The following NME7 variants were observed in gnomAD, a reference collection of about 807,000 sequenced individuals.
NME7 encodes the protein NME/NM23 family member 7.
NME7 carries 41 observed loss-of-function variants against 49.1 expected under a neutral mutation model. The ratio of observed to expected loss-of-function variants is 0.83; its 90% CI spans 0.65 to 1.08. NME7 has a LOEUF of 1.08. NME7 is among the 50% of genes least tolerant of loss of function. The probability of loss-of-function intolerance (pLI) is 0.00; values close to 1 mark genes in which losing one functional copy is unlikely to be tolerated. For missense variants in NME7, 423 were observed against 463.4 expected, an observed-to-expected ratio of 0.91 and a Z score of 0.80; for synonymous variants, 139 against 150.6, an observed-to-expected ratio of 0.92 and a Z score of 0.56.
intron 10 of NME7, among the ~76,000 whole-genome samples, chr1:169,172,114 T>A (rs958111579): frequency 6.6e-6 from 1 of 152,042 alleles, no homozygotes; most frequent in African/African-American, 2.4e-5. Flanking sequence ...TAAGGCCCCA[T>A]GCCCTTCCTC....
chr1:169,193,813 A>G (rs577598760), intron 10 of NME7, among the ~76,000 whole-genome samples: 4 of 152,274 alleles, frequency 2.6e-5, no homozygotes, highest in African/African-American at 9.6e-5. Context: ...CAACGAACAT[A>G]TTTATTCTAA....
intron 7 of NME7, among the ~76,000 whole-genome samples, chr1:169,239,327 G>A (rs899153028): frequency 1.3e-5 from 2 of 151,942 alleles, no homozygotes; most frequent in Non-Finnish European, 2.9e-5. Flanking sequence ...AGAGAAAGGA[G>A]GTAGTGAATA....
chr1:169,263,769 T>C lies in NME7; in HGVS notation c.754+23534A>G, dbSNP rs182921199. ...AATGTGGAGAACCACCACAAGATAC[T>C]TCAAGATCACCCCCAAGACACATAA... On this transcript the variant is annotated intron_variant, in intron 7 of 11. Coordinates refer to ENST00000367811, the MANE Select transcript of NME7 (RefSeq NM_013330.5). Among the ~76,000 whole-genome samples the C allele has an allele frequency of 7.3e-4, 95 of 131,004 alleles. 10 individuals are homozygous for C. The highest frequency in any genetic ancestry group is 2.4e-3 in the African/African-American group (94 of 39,102). The allele number at this position is 131,004 out of a possible 152,430, so 85.9% of individuals were successfully genotyped here. A position where few individuals can be genotyped will look rare whatever the true frequency, so the allele number is the denominator to read the frequency against.
intron 10 of NME7, among the ~76,000 whole-genome samples, chr1:169,177,963 A>C (rs1346415729): frequency 6.6e-6 from 1 of 151,852 alleles, no homozygotes; most frequent in Non-Finnish European, 1.5e-5. Flanking sequence ...CAGCCTCCTG[A>C]GCAGCTAGGA....
chr1:169,303,749 G>A (rs1481080178), intron 4 of NME7, among the ~76,000 whole-genome samples: 11 of 152,066 alleles, frequency 7.2e-5, no homozygotes, highest in African/African-American at 2.2e-4. Context: ...ACCGCACCTG[G>A]CCTTATCCAT....
intron 10 of NME7, among the ~76,000 whole-genome samples, chr1:169,197,795 T>G (rs1213641426): frequency 2.6e-5 from 4 of 152,096 alleles, no homozygotes; most frequent in African/African-American, 9.7e-5. Context: ...TTTATGATGC[T>G]GGCTTTGACA....
chr1:169,183,123 T>C (rs1571271691), intron 10 of NME7, among the ~76,000 whole-genome samples: 1 of 152,368 alleles, frequency 6.6e-6, no homozygotes, highest in African/African-American at 2.4e-5. Context: ...TCATCACAGA[T>C]ATAAAATGCC....
chr1:169,145,786 G>A (rs1397724935), intron 11 of NME7, among the ~76,000 whole-genome samples: 1 of 152,138 alleles, frequency 6.6e-6, no homozygotes, highest in East Asian at 1.9e-4. Context: ...GAGGAAAATC[G>A]AATTGTTATA....
At chr1:169,256,652 G>T (rs886407986) in intron 7 of NME7, among the ~76,000 whole-genome samples, 5 of 122,962 alleles carry the variant, frequency 4.1e-5, no homozygotes, top group Admixed American at 4.0e-4. Flanking sequence ...GCTTTTTAGA[G>T]TTTCCAGTTT....
intron 1 of NME7, among the ~76,000 whole-genome samples, chr1:169,349,563 A>C (rs1653076368): frequency 6.6e-6 from 1 of 152,202 alleles, no homozygotes; most frequent in Non-Finnish European, 1.5e-5. Context: ...TAAAAACAAT[A>C]ATTTAAAAAA....
At chr1:169,340,059 C>T (rs1328359197) in intron 1 of NME7, among the ~76,000 whole-genome samples, 3 of 152,150 alleles carry the variant, frequency 2.0e-5, no homozygotes, top group African/African-American at 7.2e-5. Flanking sequence ...TCTTACTCTG[C>T]CCATACCTTT....
At chr1:169,240,689 T>C (rs559569047) in intron 7 of NME7, among the ~76,000 whole-genome samples, 2 of 151,886 alleles carry the variant, frequency 1.3e-5, no homozygotes, top group East Asian at 1.9e-4. Context: ...CACTGAGTTA[T>C]GCAGATTTTC....
intron 6 of NME7, among the ~76,000 whole-genome samples, chr1:169,298,353 C>T (rs12031371): frequency 0.083 from 12,587 of 152,146 alleles, 704 homozygotes; most frequent in Admixed American, 0.19. Context: ...AGAAAACTTA[C>T]GTTGATCATG....
intron 10 of NME7, among the ~76,000 whole-genome samples, chr1:169,195,838 A>G (rs546232256): frequency 6.6e-6 from 1 of 152,338 alleles, no homozygotes; most frequent in Non-Finnish European, 1.5e-5. Flanking sequence ...AAGAGCTTGC[A>G]TGCTAGTGAA....
In NME7 at chr1:169,236,918, C is replaced by T. The variant is rs567975610; in HGVS notation, c.819+705G>A. Among the ~76,000 whole-genome samples, 80 of 152,068 alleles carry T rather than the reference C, an allele frequency of 5.3e-4. 1 individual carries two copies. The South Asian group carries it at 0.016, about 30-fold the overall frequency. ...TCACTATCAAAAAAGCACAAACTTG[C>T]TGGGCTTCAAACACTGTAAAAACCA... On this transcript the variant is annotated intron_variant, in intron 8 of 11. Coordinates refer to ENST00000367811, the MANE Select transcript of NME7 (RefSeq NM_013330.5).
intron 10 of NME7, among the ~76,000 whole-genome samples, chr1:169,229,533 G>C (rs897710814): frequency 1.3e-5 from 2 of 152,192 alleles, no homozygotes; most frequent in African/African-American, 4.8e-5. Context: ...TGTTCTAAAA[G>C]ATCTTTATGT....
intron 11 of NME7, among the ~76,000 whole-genome samples, chr1:169,153,326 G>A (rs917498971): frequency 6.6e-6 from 1 of 152,108 alleles, no homozygotes; most frequent in East Asian, 1.9e-4. Flanking sequence ...CCATCAGAAA[G>A]CTTTCCAAAG....
At chr1:169,351,365 A>G (rs1352728661) in intron 1 of NME7, among the ~76,000 whole-genome samples, 2 of 152,066 alleles carry the variant, frequency 1.3e-5, no homozygotes, top group Non-Finnish European at 2.9e-5. Flanking sequence ...GATACAAACG[A>G]TAAAGGAAAC....
chr1:169,324,519 GA>G lies in NME7; in HGVS notation c.4-20del. On this transcript the variant is annotated intron_variant, in intron 1 of 11. Coordinates refer to ENST00000367811, the MANE Select transcript of NME7 (RefSeq NM_013330.5). ...TATGATTCTGCAAAGAAAGACAGAA[GA>G]ATTTTAACACTAACATATAAAGAAC... The G allele has an allele frequency of 7.0e-7, 1 of 1,436,576 alleles. No homozygotes were observed. Among genetic ancestry groups the G allele is most frequent in the South Asian group, 1.2e-5 (1 of 86,896 alleles). The allele number at this position is 1,436,576 out of a possible 1,614,324, so 89.0% of individuals were successfully genotyped here. A position where few individuals can be genotyped will look rare whatever the true frequency, so the allele number is the denominator to read the frequency against.
Sources: gnomAD v4.1 joint callset for allele counts (sites outside exome capture counted in the v4.1 genomes callset) on GRCh38, gnomAD v4.1.1 for gene constraint, MANE v1.5 for transcripts, NCBI Gene and HGNC (gene_info 2026-07-23, HGNC 2026-07-21) for gene names.